The following ATP2C1 variants were observed in gnomAD, a reference collection of about 807,000 sequenced individuals.
ATP2C1 encodes ATPase secretory pathway Ca2+ transporting 1, also known as calcium-transporting ATPase type 2C member 1.
ATP2C1 carries 31 observed loss-of-function variants against 120.5 expected under a neutral mutation model. The observed-to-expected ratio is 0.26, with a 90% confidence interval of 0.19 to 0.35. The LOEUF (loss-of-function observed/expected upper bound fraction) is 0.35. Ranked by LOEUF, ATP2C1 falls within the 10% of genes least tolerant of loss-of-function variation. The pLI is 1.00. For synonymous variants in ATP2C1, 351 were observed against 358.7 expected, an observed-to-expected ratio of 0.98 and a Z score of 0.24; for missense variants, 731 against 1,107.5, an observed-to-expected ratio of 0.66 and a Z score of 4.83.
At chr3:130,854,729 C>T (rs2067783076) in intron 1 of ATP2C1, among the ~76,000 whole-genome samples, 1 of 152,178 alleles carries the variant, frequency 6.6e-6, no homozygotes, top group Admixed American at 6.5e-5. Flanking sequence ...GGTGCTAGCA[C>T]CAAACAATGA....
chr3:131,004,856 G>T (rs1332596194), downstream of ATP2C1, among the ~76,000 whole-genome samples: 1 of 152,220 alleles, frequency 6.6e-6, no homozygotes, highest in Admixed American at 6.5e-5. Context: ...ACAGTGTGAA[G>T]GGTTGGAGAG....
At chr3:130,890,889 A>G (rs2069146587), upstream of ATP2C1, among the ~76,000 whole-genome samples, 1 of 152,220 alleles carries the variant, frequency 6.6e-6, no homozygotes, top group Admixed American at 6.5e-5. Context: ...TTATAAAAAT[A>G]AAGTGATGCA....
At chr3:130,922,293 A>T (rs1041181959) in intron 2 of ATP2C1, among the ~76,000 whole-genome samples, 1 of 152,050 alleles carries the variant, frequency 6.6e-6, no homozygotes, top group African/African-American at 2.4e-5. Context: ...TTTCTGTGTT[A>T]TCAGTTGTAA....
At chr3:130,969,544 ATTGT>A in intron 17 of ATP2C1, 148 bp downstream of exon 17, 1 of 684,862 alleles carries the variant, frequency 1.5e-6, no homozygotes, top group Non-Finnish European at 2.7e-6. Flanking sequence ...TCATCTCTTA[ATTGT>A]TTGTGTTCTC....
At chr3:130,913,463 A>G (rs1479238339) in intron 2 of ATP2C1, among the ~76,000 whole-genome samples, 3 of 152,128 alleles carry the variant, frequency 2.0e-5, no homozygotes, top group African/African-American at 7.2e-5. Context: ...GAAATTATGC[A>G]GTTTAGCTGT....
chr3:130,874,915 G>T (rs1230196417), intron 1 of ATP2C1, among the ~76,000 whole-genome samples: 1 of 152,168 alleles, frequency 6.6e-6, no homozygotes, highest in Non-Finnish European at 1.5e-5. Context: ...TGCTGATGCT[G>T]CTCATAGTAA....
intron 2 of ATP2C1, among the ~76,000 whole-genome samples, chr3:130,911,488 C>G (rs1321480280): frequency 1.3e-5 from 2 of 150,248 alleles, no homozygotes; most frequent in African/African-American, 4.9e-5. Flanking sequence ...TTGCCTTCTG[C>G]TAGCTTTTGA....
intron 1 of ATP2C1, among the ~76,000 whole-genome samples, chr3:130,887,965 C>G (rs1243256662): frequency 6.6e-6 from 1 of 152,218 alleles, no homozygotes; most frequent in Non-Finnish European, 1.5e-5. Flanking sequence ...GTCTCAGAGT[C>G]TCACCCAAGG....
At position 131,002,008 on chromosome 3, in the gene ATP2C1, T is replaced by C; in HGVS notation, c.*658T>C. 1.0e-6 allele frequency: 1 copy of C among 983,740 alleles called. No homozygotes were observed. 60.9% of individuals were successfully genotyped at this position (983,740 alleles called of 1,614,324 possible). A position where few individuals can be genotyped will look rare whatever the true frequency, so the allele number is the denominator to read the frequency against. Reference sequence around the variant, plus strand: ...TGTTTTTCTTAGTAAGTGTAAATGGTTGCTTTATTTTTATTTTAAAAAGGT... The same window carrying C: ...TGTTTTTCTTAGTAAGTGTAAATGGCTGCTTTATTTTTATTTTAAAAAGGT... On this transcript the variant is annotated 3_prime_UTR_variant, in exon 28 of 28. Transcript: ENST00000510168.
chr3:130,936,969 A>G (rs968743306), intron 5 of ATP2C1, among the ~76,000 whole-genome samples: 1 of 152,136 alleles, frequency 6.6e-6, no homozygotes, highest in African/African-American at 2.4e-5. Flanking sequence ...CTTTCTAGAA[A>G]GTCATATATT....
intron 1 of ATP2C1, among the ~76,000 whole-genome samples, chr3:130,877,358 A>G (rs901483154): frequency 6.6e-6 from 1 of 152,230 alleles, no homozygotes; most frequent in Non-Finnish European, 1.5e-5. Flanking sequence ...GGCAACCTAC[A>G]GAATGGGAGA....
Position 130,970,812 on chromosome 3 carries a change from G to A in ATP2C1, c.1413+1416G>A, listed in dbSNP as rs116747329. On this transcript the variant is annotated intron_variant, in intron 17 of 27. Transcript: ENST00000510168. ...TATGATTACGTCTCTATAGAAAACA[G>A]GAATGAAGGGATCTCCCTTCATTCA... Among the ~76,000 whole-genome samples the A allele has an allele frequency of 5.5e-3, 840 of 152,194 alleles. 12 individuals are homozygous for A. The highest frequency in any genetic ancestry group is 0.019 in the African/African-American group (787 of 41,526).
intron 20 of ATP2C1, among the ~76,000 whole-genome samples, chr3:130,982,749 G>A (rs1576985146): frequency 6.6e-6 from 1 of 151,980 alleles, no homozygotes; most frequent in Non-Finnish European, 1.5e-5. Context: ...GCATCTTAAG[G>A]TATGTCTATA....
intron 5 of ATP2C1, among the ~76,000 whole-genome samples, chr3:130,936,995 A>T (rs925627237): frequency 3.1e-4 from 46 of 149,560 alleles, no homozygotes; most frequent in Non-Finnish European, 6.1e-4. Context: ...ATAAAAATTT[A>T]AAACACTGCT....
At chr3:130,971,432 A>C (rs2061313192) in intron 17 of ATP2C1, among the ~76,000 whole-genome samples, 1 of 152,216 alleles carries the variant, frequency 6.6e-6, no homozygotes, top group South Asian at 2.1e-4. Context: ...GATGTGACTC[A>C]GGATCTAGAA....
chr3:130,909,315 T>C (rs2058283574), intron 2 of ATP2C1, among the ~76,000 whole-genome samples: 1 of 152,186 alleles, frequency 6.6e-6, no homozygotes, highest in Non-Finnish European at 1.5e-5. Context: ...AACTTCCTGG[T>C]GATTGGAAAC....
chr3:130,975,932 C>G (rs779342989), intron 18 of ATP2C1, among the ~76,000 whole-genome samples: 4 of 152,180 alleles, frequency 2.6e-5, no homozygotes, highest in Non-Finnish European at 4.4e-5. Flanking sequence ...TCCCCAGATT[C>G]TGCTTACTTA....
chr3:131,003,481 T>C (rs1436671592), downstream of ATP2C1, among the ~76,000 whole-genome samples: 15 of 152,208 alleles, frequency 9.9e-5, 1 homozygote, highest in Admixed American at 9.8e-4. Flanking sequence ...GGCCCCATAA[T>C]GGCTAAACAT....
Position 131,002,538 on chromosome 3 carries a change from T to C in ATP2C1, c.*1188T>C. On this transcript the variant is annotated 3_prime_UTR_variant, in exon 28 of 28. Transcript: ENST00000510168. Reference sequence around the variant, plus strand: ...GCATGCTAGGGAAATAGGTGGATTTTGTGTGTAATGCCATCAGTTTTTATG... The same window carrying C: ...GCATGCTAGGGAAATAGGTGGATTTCGTGTGTAATGCCATCAGTTTTTATG... 6.1e-6 allele frequency: 6 copies of C among 985,428 alleles called. No homozygotes were observed. Among genetic ancestry groups the C allele is most frequent in the Non-Finnish European group, 7.2e-6 (6 of 829,928 alleles). 61.0% of individuals were successfully genotyped at this position (985,428 alleles called of 1,614,324 possible).
Sources: gnomAD v4.1 joint callset for allele counts (sites outside exome capture counted in the v4.1 genomes callset) on GRCh38, gnomAD v4.1.1 for gene constraint, MANE v1.5 for transcripts, NCBI Gene and HGNC (gene_info 2026-07-23, HGNC 2026-07-21) for gene names.